Variants in SHTN1 observed in about 807,000 individuals in gnomAD.
The protein encoded by SHTN1 is shootin 1.
A neutral mutation model predicts 83.1 loss-of-function variants in SHTN1; 42 were observed. The ratio of observed to expected loss-of-function variants is 0.51; its 90% CI spans 0.39 to 0.65. The LOEUF (loss-of-function observed/expected upper bound fraction) is 0.65, where lower values mean the gene tolerates loss of function less well. SHTN1 is among the 30% of genes least tolerant of loss of function. The probability of loss-of-function intolerance (pLI) is 0.00; values close to 1 mark genes in which losing one functional copy is unlikely to be tolerated. For missense variants in SHTN1, 622 were observed against 737.8 expected (o/e 0.84, Z 1.82); for synonymous variants, 224 against 247.7 (o/e 0.90, Z 0.90).
At chr10:117,015,695 A>G (rs901121826) in intron 2 of SHTN1, among the ~76,000 whole-genome samples, 1 of 152,214 alleles carries the variant, frequency 6.6e-6, no homozygotes, top group African/African-American at 2.4e-5. Context: ...CTTCTGCAAG[A>G]TGTGGCAATT....
At chr10:117,079,023 A>ATT (rs57691360) in intron 1 of SHTN1, among the ~76,000 whole-genome samples, 9 of 151,526 alleles carry the variant, frequency 5.9e-5, no homozygotes, top group African/African-American at 1.7e-4. Context: ...AGATTTGTGA[A>ATT]TTTTTTTTAT....
At chr10:117,102,444 T>C (rs1013251123) in intron 1 of SHTN1, among the ~76,000 whole-genome samples, 1 of 152,112 alleles carries the variant, frequency 6.6e-6, no homozygotes, top group South Asian at 2.1e-4. Flanking sequence ...TCACTTCAAA[T>C]ACCTGAGGAA....
chr10:117,106,323 C>T (rs903417857), intron 1 of SHTN1, among the ~76,000 whole-genome samples: 5 of 151,780 alleles, frequency 3.3e-5, no homozygotes, highest in Non-Finnish European at 5.9e-5. Context: ...GGCGTGATGG[C>T]GGGCACCTGT....
At chr10:116,902,242 G>A (rs1847772496) in intron 15 of SHTN1, among the ~76,000 whole-genome samples, 1 of 152,078 alleles carries the variant, frequency 6.6e-6, no homozygotes, top group African/African-American at 2.4e-5. Context: ...CGTAATACTG[G>A]AATTGTGGAA....
At chr10:117,036,964 T>A (rs1564937716) in intron 2 of SHTN1, among the ~76,000 whole-genome samples, 1 of 152,214 alleles carries the variant, frequency 6.6e-6, no homozygotes, top group Non-Finnish European at 1.5e-5. Flanking sequence ...TTAGATGGAA[T>A]ACAACTGTCT....
chr10:116,952,984 C>T (rs1849829683), intron 5 of SHTN1, among the ~76,000 whole-genome samples: 1 of 152,180 alleles, frequency 6.6e-6, no homozygotes, highest in Admixed American at 6.5e-5. Flanking sequence ...GCAAAGGGAA[C>T]TCCTTTAAAC....
At chr10:116,897,501 A>T (rs1182586782) in intron 16 of SHTN1, among the ~76,000 whole-genome samples, 1 of 152,192 alleles carries the variant, frequency 6.6e-6, no homozygotes, top group Non-Finnish European at 1.5e-5. Flanking sequence ...AAAACAAAAC[A>T]CAGAGAGGTT....
rs989525638 is a variant in SHTN1 at position 116,883,711 on chromosome 10, C to T, written c.*2633G>A. On this transcript the variant is annotated 3_prime_UTR_variant, in exon 17 of 17. Coordinates refer to ENST00000355371, the MANE Select transcript of SHTN1 (RefSeq NM_001127211.3). ...ATTAACAAAGAAGGTAAGGAAGGAG[C>T]AATTATTGGTGAGTAGTTAGAGCCA... The T allele has an allele frequency of 3.2e-5, 5 of 153,922 alleles. No individual in the cohort carries two copies. The South Asian group carries it at 6.0e-4, about 19-fold the overall frequency. 9.5% of individuals were successfully genotyped at this position (153,922 alleles called of 1,614,324 possible). A position where few individuals can be genotyped will look rare whatever the true frequency, so the allele number is the denominator to read the frequency against.
At chr10:117,073,440 GATAGATGATGTGCAATGGTCAC>G (rs1853112510) in intron 1 of SHTN1, among the ~76,000 whole-genome samples, 1 of 152,212 alleles carries the variant, frequency 6.6e-6, no homozygotes, top group South Asian at 2.1e-4. Flanking sequence ...AAGCTAAGCA[GATAGATGATGTGCAATGGTCAC>G]ATAGCTGGTA....
At chr10:116,910,829 C>A (rs1848163099) in intron 14 of SHTN1, among the ~76,000 whole-genome samples, 1 of 152,152 alleles carries the variant, frequency 6.6e-6, no homozygotes, top group Admixed American at 6.5e-5. Flanking sequence ...GTAGGTAGGC[C>A]ACCACTGTTA....
chr10:117,039,318 G>C (rs1254977899), intron 2 of SHTN1, among the ~76,000 whole-genome samples: 1 of 152,176 alleles, frequency 6.6e-6, no homozygotes, highest in Non-Finnish European at 1.5e-5. Context: ...TGTTGCCAGA[G>C]GTAATGGGGT....
intron 1 of SHTN1, among the ~76,000 whole-genome samples, chr10:116,991,818 A>G (rs958151917): frequency 6.6e-6 from 1 of 152,162 alleles, no homozygotes; most frequent in African/African-American, 2.4e-5. Context: ...CTAAAATGGA[A>G]CTATACATTC....
At position 116,903,287 on chromosome 10, in the gene SHTN1, C is replaced by CT. The variant is rs200983704; in HGVS notation, c.1481-1331dup. On this transcript the variant is annotated intron_variant, in intron 15 of 16. Transcript: ENST00000355371. ...GTGGCTCATGCCTGTAATCCCAGCA[C>CT]TTTGAGAGGCCGAGGCAGGCGGATC... is the stretch of plus-strand genomic sequence containing the variant. Among the ~76,000 whole-genome samples the CT allele has an allele frequency of 6.2e-3, 951 of 152,202 alleles. 12 individuals are homozygous for CT. Among genetic ancestry groups the CT allele is most frequent in the African/African-American group, 0.022 (910 of 41,514 alleles).
chr10:116,886,382 T>C lies in SHTN1; in HGVS notation c.1858A>G (p.Ile620Val), dbSNP rs749610771. 6.4e-7 allele frequency: 1 copy of C among 1,563,454 alleles called. No homozygotes were observed. Among genetic ancestry groups the C allele is most frequent in the Non-Finnish European group, 8.7e-7 (1 of 1,152,244 alleles). Residue 620 changes from isoleucine to valine, a missense_variant, in exon 17 of 17, where the codon ATT (isoleucine) becomes GTT (valine). Around this residue, in one of 3 missense-constraint regions of SHTN1, gnomAD observed 231 missense variants for 251.6 expected, o/e 0.92. Transcript: ENST00000355371. ...EIQPENKEDS[I>V]ENVRETDSSN... ...CTGTCTGTCTCTCTCACGTTTTCAA[T>C]GCTGTCTTCTTTGTTTTCTGGTTGA...
At chr10:116,977,678 G>GTGTA (rs1187376185) in intron 2 of SHTN1, among the ~76,000 whole-genome samples, 1 of 151,604 alleles carries the variant, frequency 6.6e-6, no homozygotes, top group Non-Finnish European at 1.5e-5. Context: ...GTGTGTGTGT[G>GTGTA]TGTGTGTGTG....
intron 7 of SHTN1, among the ~76,000 whole-genome samples, 169 bp downstream of exon 7, chr10:116,948,747 T>C (rs916073558): frequency 2.6e-5 from 4 of 152,188 alleles, no homozygotes; most frequent in African/African-American, 9.6e-5. Context: ...AGACTCTAAG[T>C]TGGGTAATAA....
rs944104900 is a variant in SHTN1 at position 116,927,824 on chromosome 10, T to C, written c.1080A>G (p.Pro360=). 2.5e-6 allele frequency: 4 copies of C among 1,598,788 alleles called. No individual in the cohort carries two copies. Among genetic ancestry groups the C allele is most frequent in the East Asian group, 2.2e-5 (1 of 44,448 alleles). ...GATTGGGAGGTGGAGGGGGAAGTGG[T>C]GGTGGAGGAGGAGGTGGTGGAGGTA... The part of the protein sequence containing the change: ...NSVPPPPPPP[P]PLPPPPPNPI... The change falls in exon 11 of 17, where the codon CCA becomes CCG. Residue 360 remains proline (P), a synonymous_variant. Coordinates refer to ENST00000355371, the MANE Select transcript of SHTN1 (RefSeq NM_001127211.3).
At chr10:117,068,593 GAC>G (rs1308419174) in intron 1 of SHTN1, among the ~76,000 whole-genome samples, 1 of 150,634 alleles carries the variant, frequency 6.6e-6, no homozygotes. Context: ...ATTAGATGGT[GAC>G]AGAGTGAGAC....
chr10:117,011,564 G>A (rs977997328), intron 2 of SHTN1, among the ~76,000 whole-genome samples: 1 of 152,188 alleles, frequency 6.6e-6, no homozygotes, highest in Non-Finnish European at 1.5e-5. Context: ...CTTGAGTTTA[G>A]TGAGGTTACA....
Sources: allele counts gnomAD v4.1 joint callset (sites outside exome capture counted in the v4.1 genomes callset), GRCh38; gene constraint gnomAD v4.1.1; regional missense constraint gnomAD v4.1.1; transcripts MANE v1.5; gene names NCBI Gene and HGNC (gene_info 2026-07-23, HGNC 2026-07-21).